The following SYCE1L variants were observed in gnomAD, a reference collection of about 807,000 sequenced individuals.
The protein encoded by SYCE1L is synaptonemal complex central element protein 1-like.
A neutral mutation model predicts 39.6 loss-of-function variants in SYCE1L; 51 were observed. That is an observed-to-expected ratio of 1.29 (90% CI 1.03 to 1.63). SYCE1L has a LOEUF of 1.63. SYCE1L is among the 40% of genes most tolerant of loss of function. SYCE1L has a pLI of 0.00. For missense variants in SYCE1L, 426 were observed against 304.9 expected, an observed-to-expected ratio of 1.40 and a Z score of -2.96; for synonymous variants, 147 against 122.4, an observed-to-expected ratio of 1.20 and a Z score of -1.33.
At chr16:77,201,522 CAAAGT>C (rs2054742895) in intron 1 of SYCE1L, 1 of 152,302 alleles carries the variant, frequency 6.6e-6, no homozygotes, top group Non-Finnish European at 1.5e-5. Context: ...AGAGCTGACT[CAAAGT>C]AAAGGCTTTG....
In SYCE1L at chr16:77,199,421, C is replaced by T. The variant is rs1020972362; in HGVS notation, c.-31C>T. On this transcript the variant is annotated 5_prime_UTR_variant, in exon 1 of 11. Coordinates refer to ENST00000378644, the MANE Select transcript of SYCE1L (RefSeq NM_001129979.3). The stretch of plus-strand genomic sequence containing the variant: ...GTTTCTTTTTTAACCAGTCATCAAG[C>T]GAGGCTCGCGCGCAGGCCCCGCGTT... The T allele has an allele frequency of 2.6e-6, 4 of 1,550,008 alleles. No individual in the cohort carries two copies. The highest frequency in any genetic ancestry group is 1.7e-4 in the Middle Eastern group (1 of 5,852).
intron 1 of SYCE1L, 84 bp from the exon 2 acceptor site, chr16:77,206,357 A>G (rs2054785635): frequency 1.6e-6 from 2 of 1,254,776 alleles, no homozygotes; most frequent in Non-Finnish European, 2.3e-6. Context: ...GGGTGTCTGC[A>G]GAGCCCACTG....
At chr16:77,204,834 C>T (rs991499459) in intron 1 of SYCE1L, among the ~76,000 whole-genome samples, 1 of 151,934 alleles carries the variant, frequency 6.6e-6, no homozygotes, top group Admixed American at 6.6e-5. Flanking sequence ...TGCATGAGCT[C>T]AGGAGTTCGA....
chr16:77,206,399 C>G lies in SYCE1L; in HGVS notation c.62-42C>G, dbSNP rs78081709. 24 of 1,534,514 alleles carry G rather than the reference C, an allele frequency of 1.6e-5. 1 individual carries two copies. The East Asian group carries it at 5.9e-4, about 38-fold the overall frequency. Reference sequence around the variant, plus strand: ...CCTGCCTCCCTTCTCTCTCCCCTCTCACTCTCGCTGTGTCCTGTAATTTTG... The same window carrying G: ...CCTGCCTCCCTTCTCTCTCCCCTCTGACTCTCGCTGTGTCCTGTAATTTTG... On this transcript the variant is annotated intron_variant, in intron 1 of 10. Coordinates refer to ENST00000378644, the MANE Select transcript of SYCE1L (RefSeq NM_001129979.3).
chr16:77,203,476 T>G (rs1027420341), intron 1 of SYCE1L, among the ~76,000 whole-genome samples: 1 of 148,546 alleles, frequency 6.7e-6, no homozygotes, highest in Non-Finnish European at 1.5e-5. Context: ...CAAAAAAAAA[T>G]CTAATAAGCT....
rs57339044 is a variant in SYCE1L, at chr16:77,203,592, C to CTTTTTTT, written c.62-2838_62-2832dup. Among the ~76,000 whole-genome samples the CTTTTTTT allele has an allele frequency of 5.6e-4, 67 of 120,556 alleles. 1 individual carries two copies. Among genetic ancestry groups the CTTTTTTT allele is most frequent in the Non-Finnish European group, 8.3e-4 (49 of 59,276 alleles). The allele number at this position is 120,556 out of a possible 152,430, so 79.1% of individuals were successfully genotyped here. On this transcript the variant is annotated intron_variant, in intron 1 of 10. Coordinates refer to ENST00000378644, the MANE Select transcript of SYCE1L (RefSeq NM_001129979.3). ...CCCTAAGGTATCTTCAAGTTACTTC[C>CTTTTTTT]TTTTTTTTTTTTTTTTTGAGATGTA... is the stretch of plus-strand genomic sequence containing the variant.
At chr16:77,203,578 C>T in intron 1 of SYCE1L, among the ~76,000 whole-genome samples, 1 of 143,890 alleles carries the variant, frequency 6.9e-6, no homozygotes, top group African/African-American at 2.5e-5. Flanking sequence ...CCTAAGGTAT[C>T]TTCAAGTTAC....
At chr16:77,206,940 C>T (rs938551506) in intron 2 of SYCE1L, among the ~76,000 whole-genome samples, 1 of 152,274 alleles carries the variant, frequency 6.6e-6, no homozygotes, top group East Asian at 1.9e-4. Flanking sequence ...GTATCTACAT[C>T]AGAGCTGAGG....
At chr16:77,200,941 C>T (rs142047885) in intron 1 of SYCE1L, 1 of 152,150 alleles carries the variant, frequency 6.6e-6, no homozygotes, top group African/African-American at 2.4e-5. Flanking sequence ...CCACTTTTAT[C>T]TATCTCGAAC....
intron 1 of SYCE1L, among the ~76,000 whole-genome samples, chr16:77,202,910 T>A (rs898592382): frequency 1.6e-5 from 2 of 125,318 alleles, no homozygotes; most frequent in African/African-American, 5.1e-5. Context: ...ATTCTCATAA[T>A]AAGGTATTAA....
chr16:77,205,870 G>C (rs2054782505), intron 1 of SYCE1L, among the ~76,000 whole-genome samples: 2 of 152,076 alleles, frequency 1.3e-5, no homozygotes, highest in Admixed American at 6.6e-5. Context: ...CTGAGCTGCA[G>C]TCCTCAAACT....
chr16:77,212,128 A>C lies in SYCE1L; in HGVS notation c.424-2A>C. 2 of 1,548,120 alleles carry C rather than the reference A, an allele frequency of 1.3e-6. No homozygotes were observed. Among genetic ancestry groups the C allele is most frequent in the Non-Finnish European group, 8.7e-7 (1 of 1,146,010 alleles). ...GGGGAGGCCTCCTCTTTGTCCTCGCAGATGCTGGAGCAGCGACTGGCCCGG... is the reference window on the plus strand; with the variant it reads ...GGGGAGGCCTCCTCTTTGTCCTCGCCGATGCTGGAGCAGCGACTGGCCCGG... On this transcript the variant is annotated splice_acceptor_variant, in intron 7 of 10. Coordinates refer to ENST00000378644, the MANE Select transcript of SYCE1L (RefSeq NM_001129979.3). LOFTEE classifies it high-confidence loss of function.
intron 1 of SYCE1L, among the ~76,000 whole-genome samples, chr16:77,205,433 A>AATATATATATATAT (rs145238524): frequency 6.9e-6 from 1 of 145,262 alleles, no homozygotes; most frequent in African/African-American, 2.5e-5. Flanking sequence ...CATAGAAGTA[A>AATATATATATATAT]ATATATATAT....
intron 2 of SYCE1L, among the ~76,000 whole-genome samples, chr16:77,207,850 TC>T (rs1489706139): frequency 6.6e-6 from 1 of 151,992 alleles, no homozygotes; most frequent in African/African-American, 2.4e-5. Context: ...CTGGAATGGG[TC>T]CCCCCTCCAT....
At chr16:77,203,443 G>A (rs1258407418) in intron 1 of SYCE1L, among the ~76,000 whole-genome samples, 5 of 143,906 alleles carry the variant, frequency 3.5e-5, no homozygotes, top group African/African-American at 1.3e-4. Flanking sequence ...ATATAAAGAA[G>A]GTGAACATAC....
At chr16:77,200,224 A>ATGTATG (rs2054717697) in intron 1 of SYCE1L, 1 of 131,856 alleles carries the variant, frequency 7.6e-6, no homozygotes, top group African/African-American at 2.9e-5. Context: ...GTATGTATGT[A>ATGTATG]TGTGTGTGTA....
chr16:77,209,266 G>C, intron 5 of SYCE1L, 122 bp downstream of exon 5: 1 of 1,347,856 alleles, frequency 7.4e-7, no homozygotes, highest in Non-Finnish European at 1.0e-6. Flanking sequence ...TCTCTGCACA[G>C]ATCTCTTCCT....
chr16:77,209,581 A>C, intron 6 of SYCE1L, 110 bp downstream of exon 6: 1 of 1,196,648 alleles, frequency 8.4e-7, no homozygotes, highest in African/African-American at 1.5e-5. Flanking sequence ...TTACCTTTCT[A>C]TAAAATAGAG....
intron 1 of SYCE1L, chr16:77,200,761 A>AG (rs2054732224): frequency 9.6e-6 from 1 of 104,488 alleles, no homozygotes; most frequent in Non-Finnish European, 2.5e-5. Context: ...AAAAAAAAAA[A>AG]AAAAGAAAAA....
Sources: allele counts gnomAD v4.1 joint callset (sites outside exome capture counted in the v4.1 genomes callset), GRCh38; gene constraint gnomAD v4.1.1; transcripts MANE v1.5; gene names NCBI Gene and HGNC (gene_info 2026-07-23, HGNC 2026-07-21).